Variants in RIC8B observed in about 807,000 individuals in gnomAD.
The protein encoded by RIC8B is RIC8 guanine nucleotide exchange factor B, also known as chaperone Ric-8B.
RIC8B carries 16 observed loss-of-function variants against 57.5 expected under a neutral mutation model. The ratio of observed to expected loss-of-function variants is 0.28; its 90% CI spans 0.19 to 0.42. The LOEUF (loss-of-function observed/expected upper bound fraction) is 0.42. Ranked by LOEUF, RIC8B falls within the 10% of genes least tolerant of loss-of-function variation. The pLI, the probability that RIC8B is intolerant of heterozygous loss-of-function variation, is 1.00. For synonymous variants in RIC8B, 216 were observed against 250.8 expected (o/e 0.86, Z 1.31); for missense variants, 481 against 677.0 (o/e 0.71, Z 3.21).
chr12:106,878,562 C>T (rs922428723), intron 9 of RIC8B, among the ~76,000 whole-genome samples: 2 of 152,084 alleles, frequency 1.3e-5, no homozygotes, highest in African/African-American at 4.8e-5. Flanking sequence ...ATTTCTCATC[C>T]CATCTTTCAA....
At chr12:106,874,382 C>A in intron 9 of RIC8B, 2 of 891,262 alleles carry the variant, frequency 2.2e-6, no homozygotes, top group Non-Finnish European at 3.6e-6. Context: ...AAATGGTTTT[C>A]TCCTGCACCT....
At chr12:106,876,548 CA>C (rs1291648031) in intron 9 of RIC8B, among the ~76,000 whole-genome samples, 1 of 152,026 alleles carries the variant, frequency 6.6e-6, no homozygotes, top group African/African-American at 2.4e-5. Flanking sequence ...CTTAAGGTGT[CA>C]GGGGAGGATT....
intron 9 of RIC8B, among the ~76,000 whole-genome samples, chr12:106,878,375 G>A (rs1312713138): frequency 6.6e-6 from 1 of 151,908 alleles, no homozygotes; most frequent in Non-Finnish European, 1.5e-5. Flanking sequence ...TGGGAAACCC[G>A]TTATACTTCA....
chr12:106,801,023 A>G (rs1242982612), intron 2 of RIC8B, among the ~76,000 whole-genome samples: 2 of 152,224 alleles, frequency 1.3e-5, no homozygotes, highest in Non-Finnish European at 2.9e-5. Flanking sequence ...GTAAATTCTA[A>G]TTTGAAACAA....
At chr12:106,775,514 C>G (rs534559319) in intron 1 of RIC8B, 17 of 352,328 alleles carry the variant, frequency 4.8e-5, no homozygotes, top group South Asian at 3.2e-4. Context: ...TTTAATCTTA[C>G]AGCAATCCTG....
chr12:106,781,384 C>T (rs919822247), intron 1 of RIC8B, among the ~76,000 whole-genome samples: 1 of 152,112 alleles, frequency 6.6e-6, no homozygotes, highest in Non-Finnish European at 1.5e-5. Flanking sequence ...TCTCTCTTTC[C>T]CCATTTCAGC....
intron 7 of RIC8B, among the ~76,000 whole-genome samples, chr12:106,856,641 T>C (rs1035891621): frequency 1.3e-5 from 2 of 152,214 alleles, no homozygotes; most frequent in African/African-American, 4.8e-5. Flanking sequence ...TCTCTGTTGT[T>C]AATACTTTTG....
intron 1 of RIC8B, 26 bp downstream of exon 1, chr12:106,774,855 C>A: frequency 1.3e-6 from 2 of 1,515,444 alleles, no homozygotes; most frequent in Non-Finnish European, 1.8e-6. Context: ...CCCGGGCGTG[C>A]GGTATCGCAC....
rs531262458 is a variant in RIC8B at position 106,805,627 on chromosome 12, CCTTTT to C, written c.133-9065_133-9061del. 7.9e-5 allele frequency among the ~76,000 whole-genome samples: 12 copies of C among 152,290 alleles called. No homozygotes were observed. In the East Asian group the frequency reaches 2.1e-3, roughly 27 times the overall value. ...ACTGCCCTGCTTCTGGTCCTGCTCC[CCTTTT>C]CTTGTTCATTTTCCACATTAACATC... On this transcript the variant is annotated intron_variant, in intron 2 of 9. Coordinates refer to ENST00000392837, the MANE Select transcript of RIC8B (RefSeq NM_001330145.2).
At chr12:106,803,328 T>C (rs1474920548) in intron 2 of RIC8B, among the ~76,000 whole-genome samples, 33 of 151,756 alleles carry the variant, frequency 2.2e-4, no homozygotes, top group Admixed American at 2.2e-3. Context: ...ACAAAACCCA[T>C]TTTTATAGAA....
chr12:106,804,380 A>G (rs2044904072), intron 2 of RIC8B, among the ~76,000 whole-genome samples: 1 of 151,790 alleles, frequency 6.6e-6, no homozygotes, highest in Admixed American at 6.6e-5. Context: ...ACGCCCATCT[A>G]ATTTTTGTAT....
chr12:106,866,866 G>C (rs1450178415), intron 8 of RIC8B, among the ~76,000 whole-genome samples: 1 of 152,012 alleles, frequency 6.6e-6, no homozygotes, highest in Admixed American at 6.6e-5. Context: ...GTTACATAGG[G>C]CCTGCATTCT....
chr12:106,792,925 G>A (rs985626679), intron 2 of RIC8B, among the ~76,000 whole-genome samples: 2 of 152,312 alleles, frequency 1.3e-5, no homozygotes, highest in Middle Eastern at 3.4e-3. Flanking sequence ...AAGAATATAC[G>A]GTTCCCTTTC....
In RIC8B at chr12:106,879,255, CAT is replaced by C. The variant is rs1222971264; in HGVS notation, c.1572-6648_1572-6647del. ...ATGTTTTGTTTGTATTGCACAAAAA[CAT>C]GTGCTGTGGGCAAGAGTATTCTCTT... On this transcript the variant is annotated intron_variant, in intron 9 of 9. Coordinates refer to ENST00000392837, the MANE Select transcript of RIC8B (RefSeq NM_001330145.2). This position sits in a 1 kb window ranked among gnomAD's most constrained non-coding sequence, Gnocchi z 4.9. The C allele has an allele frequency of 4.1e-5, 40 of 985,534 alleles. No homozygotes were observed. In the South Asian group the frequency reaches 1.3e-3, roughly 32 times the overall value. 61.0% of individuals were successfully genotyped at this position (985,534 alleles called of 1,614,324 possible).
At chr12:106,882,805 A>T (rs1183936221) in intron 9 of RIC8B, among the ~76,000 whole-genome samples, 4 of 152,186 alleles carry the variant, frequency 2.6e-5, no homozygotes, top group Admixed American at 2.6e-4. Context: ...AAAATAATTC[A>T]TACCTTCAGA....
chr12:106,886,243 A>G lies in RIC8B; in HGVS notation c.*228A>G, dbSNP rs993564807. ...ACGGGGTTACGGGGGCTAAAAGCAG[A>G]AAAAAAATTCCATTTCATCGGGATG... is the stretch of plus-strand genomic sequence containing the variant. On this transcript the variant is annotated 3_prime_UTR_variant, in exon 10 of 10. Coordinates refer to ENST00000392837, the MANE Select transcript of RIC8B (RefSeq NM_001330145.2). The G allele has an allele frequency of 4.3e-5, 19 of 440,134 alleles. No homozygotes were observed. The highest frequency in any genetic ancestry group is 7.8e-5 in the Admixed American group (2 of 25,478). 27.3% of individuals were successfully genotyped at this position (440,134 alleles called of 1,614,324 possible).
rs1471599099 is a variant in RIC8B, at chr12:106,794,585, G to A, written c.132+10541G>A. Among the ~76,000 whole-genome samples the A allele has an allele frequency of 3.3e-5, 5 of 152,266 alleles. No individual in the cohort carries two copies. In the East Asian group the frequency reaches 7.7e-4, roughly 24 times the overall value. ...CAAGGGAAGGTCAATAAGATTCACA[G>A]CTGACTTATCAGAAATGTAAGTCAG... On this transcript the variant is annotated intron_variant, in intron 2 of 9. Coordinates refer to ENST00000392837, the MANE Select transcript of RIC8B (RefSeq NM_001330145.2).
At chr12:106,831,453 C>T in intron 4 of RIC8B, among the ~76,000 whole-genome samples, 1 of 152,276 alleles carries the variant, frequency 6.6e-6, no homozygotes, top group East Asian at 1.9e-4. Flanking sequence ...TTCTACCAAA[C>T]CTTTGCAACT....
intron 8 of RIC8B, among the ~76,000 whole-genome samples, chr12:106,860,959 T>C (rs778665997): frequency 1.9e-4 from 29 of 151,006 alleles, no homozygotes; most frequent in Non-Finnish European, 4.0e-4. Flanking sequence ...ATTAGTGCAA[T>C]GAGTAGGCAA....
Sources: gnomAD v4.1 joint callset for allele counts (sites outside exome capture counted in the v4.1 genomes callset) on GRCh38, gnomAD v4.1.1 for gene constraint, Gnocchi (gnomAD v3.1) non-coding constraint, MANE v1.5 for transcripts, NCBI Gene and HGNC (gene_info 2026-07-23, HGNC 2026-07-21) for gene names.